RGS7: variants seen among roughly 807,000 people sequenced by gnomAD.
The protein encoded by RGS7 is regulator of G-protein signaling 7.
RGS7 carries 27 observed loss-of-function variants against 81.1 expected under a neutral mutation model. That is an observed-to-expected ratio of 0.33 (90% CI 0.25 to 0.46). RGS7 has a LOEUF of 0.46. RGS7 is among the 20% of genes least tolerant of loss of function. The probability of loss-of-function intolerance (pLI) is 1.00; values close to 1 mark genes in which losing one functional copy is unlikely to be tolerated. For synonymous variants in RGS7, 208 were observed against 207.7 expected (o/e 1.00, Z -0.01); for missense variants, 396 against 607.4 (o/e 0.65, Z 3.66).
At chr1:241,183,752 T>C (rs1558164799) in intron 2 of RGS7, among the ~76,000 whole-genome samples, 3 of 152,130 alleles carry the variant, frequency 2.0e-5, no homozygotes, top group African/African-American at 7.2e-5. Flanking sequence ...CTCTATGTAG[T>C]AAAACAGTGG....
At chr1:241,292,787 A>G (rs1204609308) in intron 2 of RGS7, among the ~76,000 whole-genome samples, 1 of 152,228 alleles carries the variant, frequency 6.6e-6, no homozygotes, top group African/African-American at 2.4e-5. Flanking sequence ...GGAGAAAGGG[A>G]GGGAAGAAGG....
At chr1:241,180,693 G>A (rs971975559) in intron 2 of RGS7, among the ~76,000 whole-genome samples, 12 of 152,124 alleles carry the variant, frequency 7.9e-5, no homozygotes, top group Admixed American at 4.6e-4. Flanking sequence ...ACAGAATGGC[G>A]TTGTAGAGGA....
intron 2 of RGS7, among the ~76,000 whole-genome samples, chr1:241,286,560 T>C (rs2078822320): frequency 6.6e-6 from 1 of 152,200 alleles, no homozygotes; most frequent in Admixed American, 6.5e-5. Context: ...ACTATCTGCC[T>C]GTTCCATAAC....
intron 2 of RGS7, among the ~76,000 whole-genome samples, chr1:241,212,169 GTAA>G (rs1401913076): frequency 6.6e-6 from 1 of 151,880 alleles, no homozygotes; most frequent in Non-Finnish European, 1.5e-5. Flanking sequence ...TACTAATTGA[GTAA>G]TAATAACAAA....
chr1:241,209,067 T>C (rs1036525482), intron 2 of RGS7, among the ~76,000 whole-genome samples: 2 of 152,196 alleles, frequency 1.3e-5, no homozygotes, highest in Non-Finnish European at 2.9e-5. Context: ...GGTGGGCTAT[T>C]TACTGGTGGA....
At chr1:241,068,257 T>TATATATATA (rs1433690559) in intron 3 of RGS7, among the ~76,000 whole-genome samples, 1 of 73,268 alleles carries the variant, frequency 1.4e-5, no homozygotes, top group Non-Finnish European at 2.7e-5. Flanking sequence ...TATATATATA[T>TATATATATA]AAAATATTGT....
At chr1:240,878,111 C>A (rs1665750890) in intron 6 of RGS7, among the ~76,000 whole-genome samples, 1 of 152,142 alleles carries the variant, frequency 6.6e-6, no homozygotes, top group African/African-American at 2.4e-5. Context: ...CCTATGTCTT[C>A]TCTCCTTTCC....
intron 6 of RGS7, among the ~76,000 whole-genome samples, chr1:240,898,826 C>A (rs1464417420): frequency 6.6e-6 from 1 of 152,104 alleles, no homozygotes; most frequent in African/African-American, 2.4e-5. Context: ...GAGTTCAATT[C>A]CTGGATATCC....
rs1229743262 is a variant in RGS7 at position 241,184,373 on chromosome 1, C to T, written c.79-85611G>A. 2.6e-5 allele frequency among the ~76,000 whole-genome samples: 4 copies of T among 152,162 alleles called. No individual in the cohort carries two copies. In the East Asian group the frequency reaches 5.8e-4, roughly 22 times the overall value. ...AATAACCTGTAAGTACCTAACCACA[C>T]ATCAGGTTGGTATGACAAACAATGT... On this transcript the variant is annotated intron_variant, in intron 2 of 18. Transcript: ENST00000440928.
intron 18 of RGS7, 38 bp downstream of exon 18, chr1:240,800,603 A>T (rs982990674): frequency 2.3e-6 from 3 of 1,292,260 alleles, no homozygotes; most frequent in Non-Finnish European, 3.3e-6. Context: ...TCAACAGACA[A>T]TGCAGACAAA....
In RGS7 at chr1:240,868,354, G is replaced by C. The variant is rs1663844854; in HGVS notation, c.609+233C>G. ...CATCAGATACCTTCAAATAGCAAGA[G>C]AGTAAGCAAGCGATATCATGGTGGG... On this transcript the variant is annotated intron_variant, in intron 9 of 18. Coordinates refer to ENST00000440928, the MANE Select transcript of RGS7 (RefSeq NM_001364886.1). This position sits in a 1 kb window ranked among gnomAD's most constrained non-coding sequence, Gnocchi z 5.1. Among the ~76,000 whole-genome samples, 1 of 152,156 alleles carries C rather than the reference G, an allele frequency of 6.6e-6. No individual in the cohort carries two copies. Among genetic ancestry groups the C allele is most frequent in the South Asian group, 2.1e-4 (1 of 4,828 alleles).
At chr1:240,951,069 G>A (rs1028314866) in intron 4 of RGS7, among the ~76,000 whole-genome samples, 4 of 151,938 alleles carry the variant, frequency 2.6e-5, no homozygotes, top group East Asian at 1.9e-4. Flanking sequence ...CCACAGGCAC[G>A]TGCAACCACA....
In RGS7 at chr1:240,809,946, G is replaced by A. The variant is rs548368079; in HGVS notation, c.1082+1972C>T. ...AATCACTTAGCCTAGAGTCTAGTAC[G>A]GCATAGAATGATTAAGATATGAAAT... On this transcript the variant is annotated intron_variant, in intron 14 of 18. Transcript: ENST00000440928. 3.0e-4 allele frequency among the ~76,000 whole-genome samples: 45 copies of A among 152,150 alleles called. No individual in the cohort carries two copies. The East Asian group carries it at 6.8e-3, about 23-fold the overall frequency.
At chr1:240,975,832 GT>G (rs1279683039) in intron 4 of RGS7, among the ~76,000 whole-genome samples, 2 of 152,250 alleles carry the variant, frequency 1.3e-5, no homozygotes, top group African/African-American at 4.8e-5. Context: ...AGAAGGGCAG[GT>G]TTAAAAGGCA....
chr1:240,915,021 G>T (rs1008350686), intron 6 of RGS7, among the ~76,000 whole-genome samples: 6 of 152,158 alleles, frequency 3.9e-5, no homozygotes, highest in Non-Finnish European at 8.8e-5. Context: ...TTTTAAGGGG[G>T]CTACCACACA....
chr1:241,277,118 A>G (rs7520347), intron 2 of RGS7, among the ~76,000 whole-genome samples: 15,705 of 152,220 alleles, frequency 0.1, 1,106 homozygotes, highest in East Asian at 0.32. Context: ...CATTTTTAAA[A>G]TAGCTATGTA....
intron 6 of RGS7, among the ~76,000 whole-genome samples, chr1:240,873,733 AGACCCCAGTATCAAAATGTG>A (rs1664880887): frequency 6.6e-6 from 1 of 152,230 alleles, no homozygotes; most frequent in African/African-American, 2.4e-5. Flanking sequence ...AAAATCACTA[AGACCCCAGTATCAAAATGTG>A]GAAAGAGTAG....
At chr1:240,849,819 A>G (rs1298397576) in intron 9 of RGS7, among the ~76,000 whole-genome samples, 2 of 152,248 alleles carry the variant, frequency 1.3e-5, no homozygotes, top group African/African-American at 4.8e-5. Flanking sequence ...CGATGAGCCA[A>G]TTAAACCTCT....
intron 2 of RGS7, among the ~76,000 whole-genome samples, chr1:241,147,248 G>T (rs2068377791): frequency 6.6e-6 from 1 of 152,164 alleles, no homozygotes. Flanking sequence ...GAGAGGCAAT[G>T]AATAATATGA....
Sources: gnomAD v4.1 joint callset for allele counts (sites outside exome capture counted in the v4.1 genomes callset) on GRCh38, gnomAD v4.1.1 for gene constraint, Gnocchi (gnomAD v3.1) non-coding constraint, MANE v1.5 for transcripts, NCBI Gene and HGNC (gene_info 2026-07-23, HGNC 2026-07-21) for gene names.